Variants in MIA2 observed in about 807,000 individuals in gnomAD.
MIA2 encodes MIA SH3 domain ER export factor 2, also known as melanoma inhibitory activity protein 2.
Under a neutral mutation model 167.8 loss-of-function variants are expected in MIA2, and 127 were observed. The ratio of observed to expected loss-of-function variants is 0.76; its 90% CI spans 0.66 to 0.88. The LOEUF (loss-of-function observed/expected upper bound fraction) is 0.88. Among genes scored for constraint, MIA2 ranks in the 40% least tolerant of loss-of-function variants. MIA2 has a pLI of 0.00. For synonymous variants in MIA2, 552 were observed against 541.9 expected (o/e 1.02, Z -0.26); for missense variants, 1,690 against 1,624.7 (o/e 1.04, Z -0.69).
In MIA2 at chr14:39,377,236, G is replaced by GA. The variant is rs202148004; in HGVS notation, c.2249-9635dup. On this transcript the variant is annotated intron_variant, in intron 23 of 23. Transcript: ENST00000341502. ...TACAAAGAGAACATAGGGGGAGGAA[G>GA]AAAAAAAAAAAAAAGAACAATCCTG... Among the ~76,000 whole-genome samples, 548 of 106,166 alleles carry GA rather than the reference G, an allele frequency of 5.2e-3. 2 individuals carry two copies. The highest frequency in any genetic ancestry group is 0.013 in the African/African-American group (351 of 27,632). 69.6% of individuals were successfully genotyped at this position (106,166 alleles called of 152,430 possible).
At chr14:39,321,335 A>C (rs1454557360) in intron 24 of MIA2, among the ~76,000 whole-genome samples, 1 of 151,724 alleles carries the variant, frequency 6.6e-6, no homozygotes, top group African/African-American at 2.4e-5. Context: ...ATTTTTTGAG[A>C]TGGAGTCTTG....
In MIA2 at chr14:39,375,729, G is replaced by A. The variant is rs2075032213; in HGVS notation, c.2249-11156G>A. 3.9e-5 allele frequency among the ~76,000 whole-genome samples: 6 copies of A among 152,192 alleles called. 1 individual carries two copies. The South Asian group carries it at 1.0e-3, about 26-fold the overall frequency. On this transcript the variant is annotated intron_variant, in intron 23 of 23. Coordinates refer to the MIA2 transcript ENST00000341502. ...AAAACAAAACAAAATTGTGGATCCA[G>A]TTGAGGGATGAGAAGTTCAAGGAAA...
chr14:39,386,296 C>A (rs1467667621), intron 23 of MIA2: 24 of 1,480,080 alleles, frequency 1.6e-5, no homozygotes, highest in Non-Finnish European at 2.2e-5. Context: ...AATTTCTGGC[C>A]TCCAAAGTGA....
Position 39,272,168 on chromosome 14 carries a change from A to G in MIA2, c.1888-4766A>G, listed in dbSNP as rs111945632. Among the ~76,000 whole-genome samples, 1,064 of 152,236 alleles carry G rather than the reference A, an allele frequency of 7.0e-3. 14 individuals are homozygous for G. Among genetic ancestry groups the G allele is most frequent in the African/African-American group, 0.024 (1,010 of 41,522 alleles). Reference sequence around the variant, plus strand: ...GGAGTTTGAGACCAGCCTGGCCAACATGGTGAAACCCTTCTCTACTAAAGA... The same window carrying G: ...GGAGTTTGAGACCAGCCTGGCCAACGTGGTGAAACCCTTCTCTACTAAAGA... On this transcript the variant is annotated intron_variant, in intron 6 of 28. Coordinates refer to ENST00000640607, the MANE Select transcript of MIA2 (RefSeq NM_001329214.4).
At chr14:39,275,088 AAT>A (rs199544158) in intron 6 of MIA2, among the ~76,000 whole-genome samples, 68,683 of 134,474 alleles carry the variant, frequency 0.51, 19,100 homozygotes, top group East Asian at 0.7. Flanking sequence ...AAAAAAAAAA[AAT>A]TTTTTTTTTT....
At chr14:39,286,945 C>T (rs1036147308) in intron 9 of MIA2, among the ~76,000 whole-genome samples, 4 of 152,002 alleles carry the variant, frequency 2.6e-5, no homozygotes, top group African/African-American at 9.7e-5. Flanking sequence ...AGGCTGGTCT[C>T]GAACTTCTGA....
At chr14:39,329,088 A>C (rs1044829402) in intron 25 of MIA2, among the ~76,000 whole-genome samples, 1 of 152,122 alleles carries the variant, frequency 6.6e-6, no homozygotes, top group Admixed American at 6.6e-5. Flanking sequence ...TTGATTCTTC[A>C]TATCCATGAG....
intron 23 of MIA2, among the ~76,000 whole-genome samples, chr14:39,359,611 G>GA (rs1311329814): frequency 4.6e-5 from 7 of 152,176 alleles, no homozygotes; most frequent in African/African-American, 1.7e-4. Flanking sequence ...ACCTCTATTG[G>GA]AAATGCAGAA....
At chr14:39,248,901 G>A (rs1390638421) in intron 4 of MIA2, among the ~76,000 whole-genome samples, 4 of 151,844 alleles carry the variant, frequency 2.6e-5, no homozygotes, top group Non-Finnish European at 4.4e-5. Context: ...CAACACAGCC[G>A]CTAATTTTTG....
intron 23 of MIA2, among the ~76,000 whole-genome samples, chr14:39,362,248 A>G (rs966497402): frequency 3.9e-5 from 6 of 152,126 alleles, no homozygotes; most frequent in Non-Finnish European, 7.4e-5. Flanking sequence ...TTTTGGGAAT[A>G]GTTTGAGGAG....
At chr14:39,274,431 C>CTTTTTT (rs547198743) in intron 6 of MIA2, among the ~76,000 whole-genome samples, 1 of 136,986 alleles carries the variant, frequency 7.3e-6, no homozygotes, top group Non-Finnish European at 1.6e-5. Flanking sequence ...TTCTTTTTTT[C>CTTTTTT]TTTTTTTTTT....
At chr14:39,244,383 A>G (rs2054196391) in intron 3 of MIA2, among the ~76,000 whole-genome samples, 1 of 152,204 alleles carries the variant, frequency 6.6e-6, no homozygotes, top group Non-Finnish European at 1.5e-5. Context: ...CTGAGCCCCA[A>G]CATCCCCATC....
At chr14:39,377,383 G>T (rs1184646015) in intron 23 of MIA2, among the ~76,000 whole-genome samples, 1 of 152,114 alleles carries the variant, frequency 6.6e-6, no homozygotes, top group Non-Finnish European at 1.5e-5. Context: ...TCTAGCTTCA[G>T]TTCACAGGGC....
At position 39,364,364 on chromosome 14, in the gene MIA2, C is replaced by CA. The variant is rs372182927; in HGVS notation, c.2248+15399dup. 7.9e-3 allele frequency among the ~76,000 whole-genome samples: 1,118 copies of CA among 142,414 alleles called. 5 individuals are homozygous for CA. Among genetic ancestry groups the CA allele is most frequent in the Middle Eastern group, 0.022 (6 of 272 alleles). 93.4% of individuals were successfully genotyped at this position (142,414 alleles called of 152,430 possible). A position where few individuals can be genotyped will look rare whatever the true frequency, so the allele number is the denominator to read the frequency against. ...CAACCTGGCGACAGAGCAAGACTCT[C>CA]AAAAAAAAAAAATTGTTTTCTGGTT... is the stretch of plus-strand genomic sequence containing the variant. On this transcript the variant is annotated intron_variant, in intron 23 of 23. Coordinates refer to the MIA2 transcript ENST00000341502.
rs777994923 is a variant in MIA2 at position 39,281,598 on chromosome 14, TTTTTGTTTTG to T, written c.2130+2072_2130+2081del. ...TCCATTTACACATTATGCTCTCTTA[TTTTTGTTTTG>T]TTTTGTTTTGGTTTTTTTTTTTTTT... On this transcript the variant is annotated intron_variant, in intron 9 of 28. Transcript: ENST00000640607. Among the ~76,000 whole-genome samples, 307 of 151,300 alleles carry T rather than the reference TTTTTGTTTTG, an allele frequency of 2.0e-3. 2 individuals carry two copies. Among genetic ancestry groups the T allele is most frequent in the African/African-American group, 6.9e-3 (281 of 41,002 alleles).
chr14:39,266,822 G>A, intron 6 of MIA2: 6 of 882,324 alleles, frequency 6.8e-6, no homozygotes, highest in Non-Finnish European at 8.2e-6. Context: ...GGCTGGGCCT[G>A]GCGTCGGCCC....
intron 23 of MIA2, among the ~76,000 whole-genome samples, chr14:39,373,211 G>C (rs1595956664): frequency 6.6e-6 from 1 of 151,412 alleles, no homozygotes. Flanking sequence ...AAATATTCCA[G>C]CATGTCATGT....
At chr14:39,284,986 G>A (rs1174062201) in intron 9 of MIA2, among the ~76,000 whole-genome samples, 12 of 152,200 alleles carry the variant, frequency 7.9e-5, no homozygotes, top group African/African-American at 2.9e-4. Context: ...CATCTGTTTA[G>A]CAAAGCACAT....
rs1442297997 is a variant in MIA2 at position 39,285,418 on chromosome 14, G to T, written c.2131-5601G>T. On this transcript the variant is annotated intron_variant, in intron 9 of 28. Transcript: ENST00000640607. ...CCTCCCGGAAGGGGCGGCTGGCCGGGCGGGGGCTGACCCCCCCACCTTCCT... is the reference window on the plus strand; with the variant it reads ...CCTCCCGGAAGGGGCGGCTGGCCGGTCGGGGGCTGACCCCCCCACCTTCCT... Among the ~76,000 whole-genome samples, 12 of 148,872 alleles carry T rather than the reference G, an allele frequency of 8.1e-5. 1 individual carries two copies. The highest frequency in any genetic ancestry group is 2.1e-4 in the South Asian group (1 of 4,722).
Sources: allele counts gnomAD v4.1 joint callset (sites outside exome capture counted in the v4.1 genomes callset), GRCh38; gene constraint gnomAD v4.1.1; transcripts MANE v1.5; gene names NCBI Gene and HGNC (gene_info 2026-07-23, HGNC 2026-07-21).